Variants in NRXN3 observed in about 807,000 individuals in gnomAD.
NRXN3 encodes the protein neurexin 3.
In NRXN3, 32 loss-of-function variants were observed where a neutral mutation model predicts 137.6. That is an observed-to-expected ratio of 0.23 (90% CI 0.18 to 0.31). The LOEUF is 0.31. NRXN3 is among the 10% of genes least tolerant of loss of function. The pLI, the probability that NRXN3 is intolerant of heterozygous loss-of-function variation, is 1.00. For synonymous variants in NRXN3, 798 were observed against 784.5 expected (o/e 1.02, Z -0.29); for missense variants, 1,574 against 2,062.5 (o/e 0.76, Z 4.59).
intron 10 of NRXN3, among the ~76,000 whole-genome samples, chr14:78,935,322 C>G (rs991859863): frequency 6.6e-6 from 1 of 152,148 alleles, no homozygotes; most frequent in Non-Finnish European, 1.5e-5. Context: ...GCATCTGGCT[C>G]TGGAATTCCA....
intron 4 of NRXN3, among the ~76,000 whole-genome samples, chr14:78,444,443 G>T (rs918979943): frequency 1.3e-5 from 2 of 152,114 alleles, no homozygotes; most frequent in African/African-American, 4.8e-5. Flanking sequence ...ATCAAGAGGA[G>T]CATCTCATTA....
chr14:79,016,367 C>CA (rs1222378022), intron 15 of NRXN3, among the ~76,000 whole-genome samples: 1 of 152,006 alleles, frequency 6.6e-6, no homozygotes, highest in South Asian at 2.1e-4. Flanking sequence ...TCTCCAGGCT[C>CA]AAAAAAAGCA....
chr14:79,390,426 C>T (rs1270589234), intron 15 of NRXN3, among the ~76,000 whole-genome samples: 1 of 152,092 alleles, frequency 6.6e-6, no homozygotes, highest in African/African-American at 2.4e-5. Flanking sequence ...CCTCTGCCTA[C>T]CTCTTTCTGC....
chr14:78,267,649 A>G (rs2071982406), intron 2 of NRXN3, among the ~76,000 whole-genome samples: 1 of 130,786 alleles, frequency 7.6e-6, no homozygotes. Flanking sequence ...GAGTGACAAC[A>G]AGACACTGTC....
At chr14:79,858,339 G>A (rs545806223) in intron 20 of NRXN3, among the ~76,000 whole-genome samples, 2 of 152,052 alleles carry the variant, frequency 1.3e-5, no homozygotes, top group Non-Finnish European at 1.5e-5. Context: ...TTAAGACTCC[G>A]GTTGGGTGTC....
intron 16 of NRXN3, among the ~76,000 whole-genome samples, chr14:79,662,794 A>G (rs1042170036): frequency 2.0e-5 from 3 of 151,950 alleles, no homozygotes; most frequent in African/African-American, 7.2e-5. Context: ...AAACAACCAG[A>G]TCTCATAAGA....
chr14:78,564,994 A>C (rs1226902980), intron 4 of NRXN3, among the ~76,000 whole-genome samples: 1 of 152,162 alleles, frequency 6.6e-6, no homozygotes, highest in Non-Finnish European at 1.5e-5. Context: ...AGCAGCACTC[A>C]TTTGGCACTT....
intron 2 of NRXN3, among the ~76,000 whole-genome samples, chr14:78,267,351 CAG>C (rs2071927431): frequency 1.3e-5 from 2 of 152,154 alleles, no homozygotes; most frequent in South Asian, 4.1e-4. Context: ...GCCCAGCCCT[CAG>C]GGGTGTCCAT....
At chr14:79,391,604 C>G (rs1031503484) in intron 15 of NRXN3, among the ~76,000 whole-genome samples, 1 of 152,110 alleles carries the variant, frequency 6.6e-6, no homozygotes, top group Non-Finnish European at 1.5e-5. Flanking sequence ...TATCGTAAAA[C>G]TAAAGGGTGA....
At chr14:78,282,497 A>G (rs1358636204) in intron 3 of NRXN3, 2 of 202,966 alleles carry the variant, frequency 9.9e-6, no homozygotes, top group East Asian at 2.3e-4. Flanking sequence ...ATTTAAATGA[A>G]TAACTGTGAC....
Position 79,248,401 on chromosome 14 carries a change from T to C in NRXN3, c.3263-218820T>C, listed in dbSNP as rs74416891. Among the ~76,000 whole-genome samples the C allele has an allele frequency of 3.2e-3, 486 of 152,250 alleles. 2 individuals are homozygous for C. The highest frequency in any genetic ancestry group is 0.011 in the African/African-American group (457 of 41,554). On this transcript the variant is annotated intron_variant, in intron 15 of 20. Transcript: ENST00000335750. ...CCTTCCTGAAATGCCTTCTAGCTGT[T>C]CTCTCTTCCCTGTTTGCTGCCATTT...
chr14:78,621,822 A>G (rs1220964825), intron 4 of NRXN3, among the ~76,000 whole-genome samples: 1 of 152,180 alleles, frequency 6.6e-6, no homozygotes, highest in Admixed American at 6.5e-5. Flanking sequence ...AGATGGACTA[A>G]TGTCTCTGAA....
At chr14:79,112,321 C>G (rs1366367324) in intron 15 of NRXN3, among the ~76,000 whole-genome samples, 1 of 152,144 alleles carries the variant, frequency 6.6e-6, no homozygotes, top group Non-Finnish European at 1.5e-5. Flanking sequence ...AGTATTGTAG[C>G]ATGTAGGAGT....
intron 15 of NRXN3, among the ~76,000 whole-genome samples, chr14:79,444,156 A>G (rs1219654057): frequency 6.6e-6 from 1 of 152,168 alleles, no homozygotes; most frequent in African/African-American, 2.4e-5. Context: ...AAGAAAGAAT[A>G]GGGTTTTCAG....
chr14:79,570,827 G>T (rs2097593267), intron 16 of NRXN3, among the ~76,000 whole-genome samples: 1 of 152,188 alleles, frequency 6.6e-6, no homozygotes, highest in South Asian at 2.1e-4. Flanking sequence ...CTGGCTTGCA[G>T]TCAGCTGCCT....
intron 4 of NRXN3, among the ~76,000 whole-genome samples, chr14:78,406,043 C>G (rs186469712): frequency 1.8e-3 from 280 of 152,264 alleles, no homozygotes; most frequent in Non-Finnish European, 3.3e-3. Flanking sequence ...CTGTTTACTT[C>G]AACTGTACTG....
At chr14:79,668,366 C>T (rs1416798434) in intron 17 of NRXN3, among the ~76,000 whole-genome samples, 1 of 152,020 alleles carries the variant, frequency 6.6e-6, no homozygotes, top group African/African-American at 2.4e-5. Flanking sequence ...GAGCCTCACT[C>T]CATCCTGTGA....
intron 4 of NRXN3, among the ~76,000 whole-genome samples, chr14:78,456,779 C>T (rs55671447): frequency 6.7e-6 from 1 of 149,798 alleles, no homozygotes; most frequent in Non-Finnish European, 1.5e-5. Flanking sequence ...GGATTTCTTT[C>T]CCTTTCTCTC....
chr14:78,551,811 T>G (rs1335216185), intron 4 of NRXN3, among the ~76,000 whole-genome samples: 1 of 151,760 alleles, frequency 6.6e-6, no homozygotes, highest in African/African-American at 2.4e-5. Flanking sequence ...GAGTTCTCCC[T>G]TTTTACTTTT....
Sources: gnomAD v4.1 joint callset for allele counts (sites outside exome capture counted in the v4.1 genomes callset) on GRCh38, gnomAD v4.1.1 for gene constraint, MANE v1.5 for transcripts, NCBI Gene and HGNC (gene_info 2026-07-23, HGNC 2026-07-21) for gene names.